THSD7B: variants seen among roughly 807,000 people sequenced by gnomAD.
The protein encoded by THSD7B is thrombospondin type-1 domain-containing protein 7B.
In THSD7B, 138 loss-of-function variants were observed where a neutral mutation model predicts 213.6. That is an observed-to-expected ratio of 0.65 (90% CI 0.56 to 0.74). The LOEUF (loss-of-function observed/expected upper bound fraction) is 0.74. Ranked by LOEUF, THSD7B falls within the 30% of genes least tolerant of loss-of-function variation. The pLI is 0.00. For missense variants in THSD7B, 1,931 were observed against 1,991.5 expected (o/e 0.97, Z 0.58); for synonymous variants, 742 against 687.0 (o/e 1.08, Z -1.25).
At chr2:137,069,765 A>G (rs1308283233) in intron 3 of THSD7B, among the ~76,000 whole-genome samples, 3 of 151,848 alleles carry the variant, frequency 2.0e-5, no homozygotes, top group South Asian at 2.1e-4. Context: ...CCCAAACAAC[A>G]CAAGTCTTTT....
At chr2:137,133,495 AT>A (rs535971132) in intron 5 of THSD7B, among the ~76,000 whole-genome samples, 100 of 148,500 alleles carry the variant, frequency 6.7e-4, no homozygotes, top group East Asian at 1.4e-3. Flanking sequence ...TTACCCAGGG[AT>A]TTTTTTTTTT....
chr2:137,277,277 T>C (rs1194591206), intron 12 of THSD7B, among the ~76,000 whole-genome samples: 2 of 152,096 alleles, frequency 1.3e-5, no homozygotes, highest in Non-Finnish European at 2.9e-5. Flanking sequence ...AGATATTTCA[T>C]ATTTTCTAGA....
intron 25 of THSD7B, among the ~76,000 whole-genome samples, chr2:137,661,063 G>T (rs1205436007): frequency 6.6e-6 from 1 of 152,144 alleles, no homozygotes; most frequent in Non-Finnish European, 1.5e-5. Flanking sequence ...GGTCTGTTCA[G>T]AAAATGCTAG....
At chr2:137,659,848 C>T (rs17694031) in intron 25 of THSD7B, 102 bp downstream of exon 25, 26,993 of 1,109,228 alleles carry the variant, frequency 0.024, 382 homozygotes, top group Non-Finnish European at 0.029. Flanking sequence ...AGCAGTTCCA[C>T]GTGCCCATGA....
chr2:137,565,206 A>C (rs1011621135), intron 16 of THSD7B, among the ~76,000 whole-genome samples: 2 of 152,170 alleles, frequency 1.3e-5, no homozygotes, highest in Non-Finnish European at 2.9e-5. Context: ...TAAGTGACCC[A>C]GTCTGTGGTA....
At chr2:137,587,610 C>T (rs533001828) in intron 17 of THSD7B, among the ~76,000 whole-genome samples, 32 of 152,352 alleles carry the variant, frequency 2.1e-4, no homozygotes, top group African/African-American at 7.5e-4. Flanking sequence ...ACTCCAAACC[C>T]TGTTTGCCTG....
chr2:136,807,450 A>G (rs1443319324), intron 1 of THSD7B, among the ~76,000 whole-genome samples: 2 of 148,502 alleles, frequency 1.3e-5, no homozygotes, highest in Admixed American at 6.7e-5. Context: ...TTCCTTTGAC[A>G]TACCCTTATC....
At chr2:137,128,946 A>C (rs145415512) in intron 5 of THSD7B, among the ~76,000 whole-genome samples, 29 of 152,296 alleles carry the variant, frequency 1.9e-4, no homozygotes, top group African/African-American at 5.8e-4. Flanking sequence ...AAGCTTTAGC[A>C]TCAAAGCTTG....
intron 12 of THSD7B, among the ~76,000 whole-genome samples, chr2:137,355,165 C>CT (rs1469950020): frequency 6.6e-6 from 1 of 152,098 alleles, no homozygotes; most frequent in Admixed American, 6.6e-5. Flanking sequence ...CAGCCACAAA[C>CT]TTTGAGACAT....
intron 2 of THSD7B, among the ~76,000 whole-genome samples, chr2:136,998,937 C>CACACAT (rs1685950341): frequency 6.6e-6 from 1 of 151,502 alleles, no homozygotes; most frequent in Admixed American, 6.6e-5. Context: ...CACACACACA[C>CACACAT]ACACACACAC....
intron 24 of THSD7B, among the ~76,000 whole-genome samples, chr2:137,659,100 T>A (rs1683293448): frequency 6.6e-6 from 1 of 152,208 alleles, no homozygotes; most frequent in Non-Finnish European, 1.5e-5. Context: ...CTCCTAGAGC[T>A]TCGGTGCTTG....
chr2:137,080,393 A>G (rs1331926503), intron 3 of THSD7B, among the ~76,000 whole-genome samples: 1 of 86,652 alleles, frequency 1.2e-5, no homozygotes, highest in Admixed American at 1.2e-4. Flanking sequence ...TTTTTTTTTT[A>G]AATAGAGACA....
intron 21 of THSD7B, among the ~76,000 whole-genome samples, chr2:137,655,187 T>C (rs1008790357): frequency 6.6e-6 from 1 of 152,208 alleles, no homozygotes; most frequent in African/African-American, 2.4e-5. Context: ...GATTAGGTCA[T>C]TTTATCACAT....
intron 3 of THSD7B, among the ~76,000 whole-genome samples, chr2:137,058,420 A>G (rs529287347): frequency 2.2e-4 from 34 of 152,070 alleles, no homozygotes; most frequent in Admixed American, 1.9e-3. Flanking sequence ...GAATCTTTTC[A>G]TTTTGTTTGT....
chr2:136,874,726 T>C (rs539446327), intron 1 of THSD7B, among the ~76,000 whole-genome samples: 1 of 152,198 alleles, frequency 6.6e-6, no homozygotes. Context: ...AAGGAGAAAC[T>C]GTGTTTTTTA....
At chr2:137,527,812 T>C (rs1010801540) in intron 15 of THSD7B, among the ~76,000 whole-genome samples, 39 of 152,150 alleles carry the variant, frequency 2.6e-4, no homozygotes, top group African/African-American at 8.4e-4. Context: ...TTGGAGGATA[T>C]TAGGACAGCA....
chr2:137,417,752 TAC>T (rs1686830068), intron 14 of THSD7B, among the ~76,000 whole-genome samples: 1 of 152,136 alleles, frequency 6.6e-6, no homozygotes, highest in Admixed American at 6.5e-5. Flanking sequence ...ATTTTATATA[TAC>T]AGTGTCCTGG....
At chr2:137,635,464 A>G (rs1162466261) in intron 20 of THSD7B, among the ~76,000 whole-genome samples, 2 of 152,218 alleles carry the variant, frequency 1.3e-5, no homozygotes, top group Non-Finnish European at 2.9e-5. Context: ...CTGAGAACAG[A>G]AAGAGTCCAG....
At chr2:137,081,816 A>G (rs186515838) in intron 3 of THSD7B, among the ~76,000 whole-genome samples, 1 of 152,146 alleles carries the variant, frequency 6.6e-6, no homozygotes, top group African/African-American at 2.4e-5. Context: ...TAAGGTTTCT[A>G]TTTCCAAAGC....
Sources: gnomAD v4.1 joint callset for allele counts (sites outside exome capture counted in the v4.1 genomes callset) on GRCh38, gnomAD v4.1.1 for gene constraint, MANE v1.5 for transcripts, NCBI Gene and HGNC (gene_info 2026-07-23, HGNC 2026-07-21) for gene names.